Variants in KHDRBS2 observed in about 807,000 individuals in gnomAD.
The protein encoded by KHDRBS2 is KH domain-containing, RNA-binding, signal transduction-associated protein 2.
Under a neutral mutation model 44.3 loss-of-function variants are expected in KHDRBS2, and 26 were observed. The ratio of observed to expected loss-of-function variants is 0.59; its 90% CI spans 0.43 to 0.81. The LOEUF (loss-of-function observed/expected upper bound fraction) is 0.81, where lower values mean the gene tolerates loss of function less well. KHDRBS2 is among the 40% of genes least tolerant of loss of function. The pLI is 0.00. For missense variants in KHDRBS2, 476 were observed against 433.1 expected, an observed-to-expected ratio of 1.10 and a Z score of -0.88; for synonymous variants, 194 against 151.1, an observed-to-expected ratio of 1.28 and a Z score of -2.08.
At chr6:61,931,219 C>T (rs924707091) in intron 4 of KHDRBS2, among the ~76,000 whole-genome samples, 1 of 152,040 alleles carries the variant, frequency 6.6e-6, no homozygotes, top group Non-Finnish European at 1.5e-5. Context: ...TGATTCCTTA[C>T]ATACTACATG....
chr6:62,235,593 A>G (rs187571740), intron 1 of KHDRBS2, among the ~76,000 whole-genome samples: 2 of 152,150 alleles, frequency 1.3e-5, no homozygotes, highest in East Asian at 3.9e-4. Flanking sequence ...TGTCCCAGGA[A>G]GGCAGTGGAA....
chr6:61,816,502 C>A (rs139617837), intron 6 of KHDRBS2: 3,012 of 299,752 alleles, frequency 0.01, 24 homozygotes, highest in Non-Finnish European at 0.014. Context: ...CAGGGAGAGG[C>A]AAGGAAAGAT....
chr6:61,779,188 A>G (rs1782557968), intron 6 of KHDRBS2, among the ~76,000 whole-genome samples: 1 of 152,156 alleles, frequency 6.6e-6, no homozygotes, highest in African/African-American at 2.4e-5. Context: ...AATGTAGTAT[A>G]CCAATTTTTT....
the KHDRBS2 span, among the ~76,000 whole-genome samples, chr6:61,603,586 T>G: frequency 6.6e-6 from 1 of 152,334 alleles, no homozygotes; most frequent in South Asian, 2.1e-4. Context: ...CCTAGCCTCA[T>G]GTCTGTCTGC....
the KHDRBS2 span, among the ~76,000 whole-genome samples, chr6:61,638,128 A>C: frequency 3.9e-5 from 6 of 152,028 alleles, no homozygotes; most frequent in Middle Eastern, 3.2e-3. Context: ...GCTACCAATG[A>C]CTTTCTTCTC....
chr6:61,574,264 C>A, the KHDRBS2 span: 13 of 1,142,656 alleles, frequency 1.1e-5, no homozygotes, highest in Admixed American at 2.0e-5. Context: ...TGTTTAACGG[C>A]CGTGGTACCC....
At chr6:61,554,257 T>C in the KHDRBS2 span, among the ~76,000 whole-genome samples, 1 of 152,172 alleles carries the variant, frequency 6.6e-6, no homozygotes, top group African/African-American at 2.4e-5. Flanking sequence ...AGTAATGCAC[T>C]TCCTTGTTTC....
chr6:62,233,889 A>T (rs1159274762), intron 1 of KHDRBS2, among the ~76,000 whole-genome samples: 1 of 152,060 alleles, frequency 6.6e-6, no homozygotes, highest in Non-Finnish European at 1.5e-5. Context: ...TCTACCATTG[A>T]TGGGGATTTA....
chr6:61,815,020 A>G (rs1198120068), intron 6 of KHDRBS2, among the ~76,000 whole-genome samples: 1 of 152,150 alleles, frequency 6.6e-6, no homozygotes. Context: ...ATGCTAGGTA[A>G]ATAGTAGTTA....
At chr6:62,270,818 C>G (rs926480828) in intron 1 of KHDRBS2, among the ~76,000 whole-genome samples, 8 of 152,008 alleles carry the variant, frequency 5.3e-5, no homozygotes, top group African/African-American at 1.9e-4. Flanking sequence ...ACTGGATGAC[C>G]TATGAGATCG....
intron 3 of KHDRBS2, among the ~76,000 whole-genome samples, chr6:61,990,058 C>G (rs1047423385): frequency 6.6e-6 from 1 of 152,054 alleles, no homozygotes; most frequent in African/African-American, 2.4e-5. Flanking sequence ...GAGAATGCAC[C>G]CTCTCTGGGT....
chr6:61,561,604 G>A, the KHDRBS2 span, among the ~76,000 whole-genome samples: 4 of 152,118 alleles, frequency 2.6e-5, no homozygotes, highest in Admixed American at 6.6e-5. Flanking sequence ...CACAGGGAGA[G>A]GAGCTTCTCC....
chr6:61,723,675 A>G (rs1365937185), intron 7 of KHDRBS2, among the ~76,000 whole-genome samples: 1 of 152,184 alleles, frequency 6.6e-6, no homozygotes, highest in Non-Finnish European at 1.5e-5. Context: ...GAACGTCACA[A>G]TGCAATCAGA....
At chr6:61,945,109 A>ATATATATGTATGT (rs1256689275) in intron 4 of KHDRBS2, among the ~76,000 whole-genome samples, 1 of 36,584 alleles carries the variant, frequency 2.7e-5, no homozygotes, top group African/African-American at 1.0e-4. Flanking sequence ...AAAAAAAAAA[A>ATATATATGTATGT]AAAGTATATA....
chr6:61,825,603 C>CT (rs1562254416), intron 6 of KHDRBS2, among the ~76,000 whole-genome samples: 1 of 152,084 alleles, frequency 6.6e-6, no homozygotes, highest in African/African-American at 2.4e-5. Context: ...AAAATCATTC[C>CT]TTTTGATCTG....
the KHDRBS2 span, among the ~76,000 whole-genome samples, chr6:61,590,534 T>C: frequency 1.3e-4 from 20 of 152,228 alleles, no homozygotes; most frequent in Non-Finnish European, 4.4e-5. Flanking sequence ...ATATATAACA[T>C]GTTATGGGAT....
chr6:62,155,750 G>A (rs1351970492), intron 2 of KHDRBS2, among the ~76,000 whole-genome samples: 2 of 152,154 alleles, frequency 1.3e-5, no homozygotes, highest in Non-Finnish European at 2.9e-5. Flanking sequence ...AACAGTAGAA[G>A]CTATTCCCAT....
intron 3 of KHDRBS2, among the ~76,000 whole-genome samples, chr6:62,044,343 G>A (rs1230995156): frequency 6.6e-6 from 1 of 151,798 alleles, no homozygotes; most frequent in East Asian, 2.0e-4. Context: ...AGGTGTGGTG[G>A]CGTTCACCTG....
At chr6:61,948,358 G>A (rs980877251) in intron 4 of KHDRBS2, among the ~76,000 whole-genome samples, 2 of 151,884 alleles carry the variant, frequency 1.3e-5, no homozygotes, top group African/African-American at 2.4e-5. Flanking sequence ...CATTGAAAAC[G>A]ATTTAAAATC....
Sources: gnomAD v4.1 joint callset for allele counts (sites outside exome capture counted in the v4.1 genomes callset) on GRCh38, gnomAD v4.1.1 for gene constraint, MANE v1.5 for transcripts, NCBI Gene and HGNC (gene_info 2026-07-23, HGNC 2026-07-21) for gene names.